PCDHA3: variants seen among roughly 807,000 people sequenced by gnomAD.
The protein encoded by PCDHA3 is protocadherin alpha 3.
PCDHA3 carries 41 observed loss-of-function variants against 62.2 expected under a neutral mutation model. The observed-to-expected ratio is 0.66, with a 90% CI of 0.51 to 0.86. The LOEUF (loss-of-function observed/expected upper bound fraction) is 0.86. PCDHA3 is among the 40% of genes least tolerant of loss of function. The pLI is 0.00. For synonymous variants in PCDHA3, 640 were observed against 555.4 expected (o/e 1.15, Z -2.14); for missense variants, 1,304 against 1,241.2 (o/e 1.05, Z -0.76).
intron 1 of PCDHA3, chr5:140,811,157 C>A (rs1251504502): frequency 2.0e-5 from 3 of 152,232 alleles, no homozygotes; most frequent in African/African-American, 7.2e-5. Context: ...ATCCCTCCCC[C>A]AGTCCCCCAC....
chr5:140,870,562 G>T (rs1554164416), intron 1 of PCDHA3: 1 of 1,613,996 alleles, frequency 6.2e-7, no homozygotes, highest in Non-Finnish European at 8.5e-7. Context: ...GCAGGAGAAC[G>T]CGCTGGTGTC....
intron 1 of PCDHA3, chr5:140,884,644 C>T (rs1554181804): frequency 6.2e-7 from 1 of 1,608,094 alleles, no homozygotes; most frequent in South Asian, 1.1e-5. Flanking sequence ...GGGAGGAGGA[C>T]TCAGAATGCT....
At position 140,873,044 on chromosome 5, in the gene PCDHA3, A is replaced by T. The variant is rs115529200; in HGVS notation, c.2394+69453A>T. Among the ~76,000 whole-genome samples, 1,019 of 152,290 alleles carry T rather than the reference A, an allele frequency of 6.7e-3. 5 individuals are homozygous for T. Among genetic ancestry groups the T allele is most frequent in the Admixed American group, 0.012 (189 of 15,302 alleles). On this transcript the variant is annotated intron_variant, in intron 1 of 3. Coordinates refer to ENST00000522353, the MANE Select transcript of PCDHA3 (RefSeq NM_018906.3). ...TTCTTACTACACGTAGAGTGGTGGT[A>T]TTACAGACTTTCTTGAGAATCATAT...
At chr5:140,969,670 T>C (rs1481481821) in intron 1 of PCDHA3, among the ~76,000 whole-genome samples, 1 of 152,192 alleles carries the variant, frequency 6.6e-6, no homozygotes, top group African/African-American at 2.4e-5. Context: ...AGTAATGTTA[T>C]GAGACTCAAG....
At chr5:140,901,667 A>G (rs1319008143) in intron 1 of PCDHA3, among the ~76,000 whole-genome samples, 1 of 151,994 alleles carries the variant, frequency 6.6e-6, no homozygotes, top group Non-Finnish European at 1.5e-5. Context: ...TGCTCAAGAT[A>G]CCTTTAGGTA....
chr5:140,835,703 C>G (rs2150242433), intron 1 of PCDHA3: 25 of 1,613,782 alleles, frequency 1.5e-5, no homozygotes, highest in African/African-American at 6.7e-5. Context: ...CCACTGCTAG[C>G]GTGTCCGTGG....
At chr5:140,843,429 C>T (rs2150359763) in intron 1 of PCDHA3, 1 of 1,596,144 alleles carries the variant, frequency 6.3e-7, no homozygotes, top group Non-Finnish European at 8.6e-7. Context: ...CTGATCATCG[C>T]CATCTGCGCG....
intron 1 of PCDHA3, among the ~76,000 whole-genome samples, chr5:140,838,075 ATAGTGTGTGT>A (rs2150283218): frequency 0.079 from 10,117 of 127,694 alleles, 686 homozygotes; most frequent in African/African-American, 0.19. Flanking sequence ...TTATATATAT[ATAGTGTGTGT>A]GTGTGTGTGT....
At chr5:140,914,393 C>A (rs1338816793) in intron 1 of PCDHA3, among the ~76,000 whole-genome samples, 1 of 152,080 alleles carries the variant, frequency 6.6e-6, no homozygotes, top group Non-Finnish European at 1.5e-5. Context: ...AGTGTAGTTA[C>A]CCCTGCTCCT....
intron 1 of PCDHA3, chr5:140,852,034 GT>G: frequency 1.1e-6 from 1 of 935,708 alleles, no homozygotes; most frequent in Non-Finnish European, 1.3e-6. Flanking sequence ...CGCTTATTGA[GT>G]TTTTGTTATG....
At chr5:140,926,879 C>G in intron 1 of PCDHA3, 1 of 1,534,480 alleles carries the variant, frequency 6.5e-7, no homozygotes, top group Non-Finnish European at 8.8e-7. Flanking sequence ...GGAACGTGGA[C>G]GCCTAGAGGG....
At chr5:140,840,785 T>G (rs1342806305) in intron 1 of PCDHA3, among the ~76,000 whole-genome samples, 1 of 152,086 alleles carries the variant, frequency 6.6e-6, no homozygotes, top group African/African-American at 2.4e-5. Flanking sequence ...TAGAATTATA[T>G]GCTCACCTCA....
At chr5:140,933,613 A>G (rs1441475985) in intron 1 of PCDHA3, among the ~76,000 whole-genome samples, 1 of 151,962 alleles carries the variant, frequency 6.6e-6, no homozygotes, top group Non-Finnish European at 1.5e-5. Flanking sequence ...TTCTTTTCTT[A>G]TTAGGTTAGG....
At chr5:140,836,090 G>C in intron 1 of PCDHA3, 4 of 1,613,720 alleles carry the variant, frequency 2.5e-6, no homozygotes, top group Non-Finnish European at 3.4e-6. Context: ...TGGCGCCTCG[G>C]GTGGGTGGCA....
intron 1 of PCDHA3, chr5:140,871,278 G>A: frequency 6.2e-7 from 1 of 1,613,918 alleles, no homozygotes; most frequent in African/African-American, 1.3e-5. Context: ...GGTCGGCAAC[G>A]CCCACTGAGG....
chr5:140,907,412 A>G (rs889699438), intron 1 of PCDHA3, among the ~76,000 whole-genome samples: 5 of 152,232 alleles, frequency 3.3e-5, no homozygotes, highest in Non-Finnish European at 7.3e-5. Flanking sequence ...GAATACCACG[A>G]TGGTGGATAA....
intron 1 of PCDHA3, among the ~76,000 whole-genome samples, chr5:140,889,933 A>T (rs1034906344): frequency 7.9e-5 from 12 of 152,188 alleles, no homozygotes; most frequent in African/African-American, 2.9e-4. Context: ...CTCAAGCTGG[A>T]CTTGTGAGAA....
intron 1 of PCDHA3, chr5:140,884,480 A>T (rs782532542): frequency 7.4e-6 from 12 of 1,613,662 alleles, no homozygotes; most frequent in Non-Finnish European, 9.3e-6. Flanking sequence ...GGGCAAGCCC[A>T]CTCTAGTGTG....
In PCDHA3 at chr5:140,851,081, A is replaced by C. The variant is rs1259623632; in HGVS notation, c.2394+47490A>C. 1.0e-5 allele frequency: 13 copies of C among 1,303,686 alleles called. No individual in the cohort carries two copies. In the East Asian group the frequency reaches 3.5e-4, roughly 35 times the overall value. 80.8% of individuals were successfully genotyped at this position (1,303,686 alleles called of 1,614,324 possible). Reference sequence around the variant, plus strand: ...ACTTCTAGTGAGAATTATAAACTGTATATTAAATAGATATTTTTTGGGTGC... The same window carrying C: ...ACTTCTAGTGAGAATTATAAACTGTCTATTAAATAGATATTTTTTGGGTGC... On this transcript the variant is annotated intron_variant, in intron 1 of 3. Transcript: ENST00000522353.
Sources: gnomAD v4.1 joint callset for allele counts (sites outside exome capture counted in the v4.1 genomes callset) on GRCh38, gnomAD v4.1.1 for gene constraint, MANE v1.5 for transcripts, NCBI Gene and HGNC (gene_info 2026-07-23, HGNC 2026-07-21) for gene names.